Variants in PTDSS2 observed in about 807,000 individuals in gnomAD.
PTDSS2 encodes phosphatidylserine synthase 2.
In PTDSS2, 41 loss-of-function variants were observed where a neutral mutation model predicts 64.7. That is an observed-to-expected ratio of 0.63 (90% confidence interval 0.49 to 0.82). PTDSS2 has a LOEUF of 0.82. Ranked by LOEUF, PTDSS2 falls within the 40% of genes least tolerant of loss-of-function variation. The probability of loss-of-function intolerance (pLI) is 0.00; values close to 1 mark genes in which losing one functional copy is unlikely to be tolerated. For synonymous variants in PTDSS2, 297 were observed against 277.8 expected (o/e 1.07, Z -0.69); for missense variants, 485 against 650.0 (o/e 0.75, Z 2.76).
At chr11:451,030 C>T (rs1253139912) in intron 1 of PTDSS2, among the ~76,000 whole-genome samples, 1 of 152,188 alleles carries the variant, frequency 6.6e-6, no homozygotes, top group Non-Finnish European at 1.5e-5. Flanking sequence ...CGAAGCTTCA[C>T]CTGTGTCCCC....
In PTDSS2 at chr11:458,266, G is replaced by A. The variant is rs141956017; in HGVS notation, c.183-1921G>A. On this transcript the variant is annotated intron_variant, in intron 1 of 11. Transcript: ENST00000308020. ...GTCGCCCAGGCTGGAGTGCAGTGGC[G>A]CGATCTCGGCTCACTGCAGGCTCCG... 6.8e-3 allele frequency among the ~76,000 whole-genome samples: 1,015 copies of A among 149,042 alleles called. 9 individuals are homozygous for A. Among genetic ancestry groups the A allele is most frequent in the Admixed American group, 0.013 (189 of 14,930 alleles).
intron 1 of PTDSS2, among the ~76,000 whole-genome samples, chr11:455,135 C>G (rs912496448): frequency 5.9e-5 from 9 of 152,162 alleles, no homozygotes; most frequent in African/African-American, 2.2e-4. Context: ...CTGCTGGTCT[C>G]TTGCAGAACA....
chr11:490,616 G>C lies in PTDSS2; in HGVS notation c.*34G>C. The C allele has an allele frequency of 1.3e-6, 2 of 1,543,632 alleles. No individual in the cohort carries two copies. The highest frequency in any genetic ancestry group is 8.8e-7 in the Non-Finnish European group (1 of 1,142,112). ...GTGGCTGCCTCGTGAGCCTCCCAGA[G>C]CCCAGGCCTCCGTGGCCTCCTCCTG... On this transcript the variant is annotated 3_prime_UTR_variant, in exon 12 of 12. Transcript: ENST00000308020.
rs1448694532 is a variant in PTDSS2, at chr11:462,963, T to C, written c.284+2675T>C. The stretch of plus-strand genomic sequence containing the variant: ...GCGGGCAGATCACGAGGTCAAGAGA[T>C]CGAGACCAACCTAACCAACATGGTG... On this transcript the variant is annotated intron_variant, in intron 2 of 11. Coordinates refer to ENST00000308020, the MANE Select transcript of PTDSS2 (RefSeq NM_030783.3). This position sits in a 1 kb window ranked among gnomAD's most constrained non-coding sequence, Gnocchi z 4.5. 1 of 149,910 alleles carries C rather than the reference T, an allele frequency of 6.7e-6. No individual in the cohort carries two copies. Among genetic ancestry groups the C allele is most frequent in the Admixed American group, 6.6e-5 (1 of 15,094 alleles). 9.3% of individuals were successfully genotyped at this position (149,910 alleles called of 1,614,324 possible).
chr11:469,747 T>A (rs1564973266), intron 2 of PTDSS2, among the ~76,000 whole-genome samples: 1 of 152,052 alleles, frequency 6.6e-6, no homozygotes, highest in Non-Finnish European at 1.5e-5. Context: ...TGGTTCCTAG[T>A]GCCCTCCAGT....
intron 4 of PTDSS2, among the ~76,000 whole-genome samples, chr11:486,388 C>G (rs902731700): frequency 1.3e-5 from 2 of 152,202 alleles, no homozygotes. Flanking sequence ...CTGAAGCGCA[C>G]CTGTGCCCAC....
chr11:480,791 C>T (rs943187852), intron 4 of PTDSS2, among the ~76,000 whole-genome samples: 3 of 152,116 alleles, frequency 2.0e-5, no homozygotes, highest in Non-Finnish European at 2.9e-5. Flanking sequence ...TCAAATGATC[C>T]GCCTGCATTG....
At position 462,452 on chromosome 11, in the gene PTDSS2, C is replaced by T. The variant is rs954946105; in HGVS notation, c.284+2164C>T. On this transcript the variant is annotated intron_variant, in intron 2 of 11. Coordinates refer to ENST00000308020, the MANE Select transcript of PTDSS2 (RefSeq NM_030783.3). This position sits in a 1 kb window ranked among gnomAD's most constrained non-coding sequence, Gnocchi z 4.5. ...GAGGTTCTGTTCTGGGGACACTAAA[C>T]GCGCTCCCAACTCACATTCTCTTTC... Among the ~76,000 whole-genome samples, 1 of 152,214 alleles carries T rather than the reference C, an allele frequency of 6.6e-6. No individual in the cohort carries two copies. The highest frequency in any genetic ancestry group is 1.9e-4 in the East Asian group (1 of 5,194).
rs1554958796 is a variant in PTDSS2, at chr11:490,799, C to CGCGTGTGTAT, written c.*226_*227insTGCGTGTGTA. 2.6e-5 allele frequency: 15 copies of CGCGTGTGTAT among 574,298 alleles called. No homozygotes were observed. The highest frequency in any genetic ancestry group is 4.1e-5 in the South Asian group (2 of 48,476). The allele number at this position is 574,298 out of a possible 1,614,324, so 35.6% of individuals were successfully genotyped here. A position where few individuals can be genotyped will look rare whatever the true frequency, so the allele number is the denominator to read the frequency against. On this transcript the variant is annotated 3_prime_UTR_variant, in exon 12 of 12. Transcript: ENST00000308020. ...GTGTACGTGTGTATGCGTGTGTGTA[C>CGCGTGTGTAT]GCGTGTGTACGCGCGTGTGTACACA...
chr11:455,156 GTGTCCTCA>G (rs934501510), intron 1 of PTDSS2, among the ~76,000 whole-genome samples: 3 of 152,178 alleles, frequency 2.0e-5, no homozygotes, highest in Non-Finnish European at 2.9e-5. Context: ...GGGTTGAGTG[GTGTCCTCA>G]CGTTGATCTA....
rs1357365888 is a variant in PTDSS2 at position 460,123 on chromosome 11, T to TAA, written c.183-63_183-62insAA. On this transcript the variant is annotated intron_variant, in intron 1 of 11. Transcript: ENST00000308020. This position sits in a 1 kb window ranked among gnomAD's most constrained non-coding sequence, Gnocchi z 5.8. ...GACGTAGAGAGGATTTGGGGCCTGT[T>TAA]ACGTGAGTATTTAGCAATGCTGCCC... is the stretch of plus-strand genomic sequence containing the variant. The TAA allele has an allele frequency of 1.5e-6, 2 of 1,318,126 alleles. No homozygotes were observed. The highest frequency in any genetic ancestry group is 2.9e-5 in the African/African-American group (2 of 68,814). 81.7% of individuals were successfully genotyped at this position (1,318,126 alleles called of 1,614,324 possible).
intron 2 of PTDSS2, among the ~76,000 whole-genome samples, chr11:469,701 A>T (rs1847330600): frequency 6.6e-6 from 1 of 152,096 alleles, no homozygotes; most frequent in African/African-American, 2.4e-5. Flanking sequence ...AGAACCAGCT[A>T]TGCTTGCAGC....
chr11:473,223 T>C (rs1055786163), intron 2 of PTDSS2, among the ~76,000 whole-genome samples: 10 of 152,226 alleles, frequency 6.6e-5, no homozygotes, highest in African/African-American at 2.2e-4. Flanking sequence ...CCTCGCATCC[T>C]CCTTCCCGTG....
chr11:471,508 G>A (rs1047176691), intron 2 of PTDSS2, among the ~76,000 whole-genome samples: 6 of 152,412 alleles, frequency 3.9e-5, no homozygotes, highest in South Asian at 4.1e-4. Context: ...GCAGCATGCC[G>A]TGTGGGGGCT....
chr11:473,756 G>C, intron 2 of PTDSS2, 139 bp from the exon 3 acceptor site: 1 of 701,072 alleles, frequency 1.4e-6, no homozygotes, highest in Admixed American at 2.2e-5. Flanking sequence ...GAGTCGCCCA[G>C]CTCTGCCCGA....
At chr11:467,841 A>G (rs1338718612) in intron 2 of PTDSS2, among the ~76,000 whole-genome samples, 3 of 151,942 alleles carry the variant, frequency 2.0e-5, no homozygotes, top group African/African-American at 4.8e-5. Flanking sequence ...TGTCCACATA[A>G]AAACCTGCAT....
rs1846926191 is a variant in PTDSS2, at chr11:462,296, C to G, written c.284+2008C>G. 2.0e-5 allele frequency among the ~76,000 whole-genome samples: 3 copies of G among 152,162 alleles called. No homozygotes were observed. The South Asian group carries it at 6.2e-4, about 32-fold the overall frequency. ...GTCCCCCACTTCACCCAGCACTGGCCTCTCCTGAGTGGCCCCCGACGTGAG... is the reference window on the plus strand; with the variant it reads ...GTCCCCCACTTCACCCAGCACTGGCGTCTCCTGAGTGGCCCCCGACGTGAG... On this transcript the variant is annotated intron_variant, in intron 2 of 11. Coordinates refer to ENST00000308020, the MANE Select transcript of PTDSS2 (RefSeq NM_030783.3). The surrounding 1 kb of genome is among the most constrained non-coding windows in gnomAD (Gnocchi z 4.5).
At chr11:471,459 G>A (rs149279723) in intron 2 of PTDSS2, among the ~76,000 whole-genome samples, 98 of 152,378 alleles carry the variant, frequency 6.4e-4, no homozygotes, top group African/African-American at 2.1e-3. Context: ...GTGTGGCCAG[G>A]TTAGAGTCCT....
At chr11:464,307 G>T (rs118118821) in intron 2 of PTDSS2, among the ~76,000 whole-genome samples, 1 of 152,160 alleles carries the variant, frequency 6.6e-6, no homozygotes, top group African/African-American at 2.4e-5. Context: ...TTGAGTCAAC[G>T]TTATTGACCT....
Sources: allele counts gnomAD v4.1 joint callset (sites outside exome capture counted in the v4.1 genomes callset), GRCh38; gene constraint gnomAD v4.1.1; non-coding constraint Gnocchi (gnomAD v3.1); transcripts MANE v1.5; gene names NCBI Gene and HGNC (gene_info 2026-07-23, HGNC 2026-07-21).